Variants in CAMKMT observed in about 807,000 individuals in gnomAD.
CAMKMT encodes calmodulin-lysine N-methyltransferase, also known as CaM KMT.
CAMKMT carries 53 observed loss-of-function variants against 48.0 expected under a neutral mutation model. The ratio of observed to expected loss-of-function variants is 1.10; its 90% CI spans 0.89 to 1.39. CAMKMT has a LOEUF of 1.39. Ranked by LOEUF, CAMKMT falls within the 40% of genes most tolerant of loss-of-function variation. CAMKMT has a pLI of 0.00. For synonymous variants in CAMKMT, 165 were observed against 152.3 expected (o/e 1.08, Z -0.61); for missense variants, 428 against 402.7 (o/e 1.06, Z -0.54).
intron 3 of CAMKMT, among the ~76,000 whole-genome samples, chr2:44,567,739 T>G (rs983289926): frequency 5.9e-5 from 9 of 152,198 alleles, no homozygotes; most frequent in African/African-American, 2.2e-4. Context: ...TGTCACGTCC[T>G]GCTAGCACAA....
At chr2:44,629,470 C>G (rs1172376752) in intron 3 of CAMKMT, among the ~76,000 whole-genome samples, 1 of 138,432 alleles carries the variant, frequency 7.2e-6, no homozygotes, top group Non-Finnish European at 1.5e-5. Flanking sequence ...GGGTCTCACT[C>G]TGTCACCCAG....
chr2:44,524,074 A>G (rs910169977), intron 3 of CAMKMT, among the ~76,000 whole-genome samples: 1 of 152,022 alleles, frequency 6.6e-6, no homozygotes, highest in Non-Finnish European at 1.5e-5. Context: ...ACCGTGTCGA[A>G]CACAGAGAGC....
intron 3 of CAMKMT, among the ~76,000 whole-genome samples, chr2:44,522,763 T>C (rs1015354398): frequency 1.3e-5 from 2 of 152,186 alleles, no homozygotes; most frequent in African/African-American, 4.8e-5. Flanking sequence ...AAGTCCTGGA[T>C]CCTTTACATT....
chr2:44,514,709 A>T (rs186579377), intron 3 of CAMKMT, among the ~76,000 whole-genome samples: 37 of 152,340 alleles, frequency 2.4e-4, no homozygotes, highest in South Asian at 1.7e-3. Flanking sequence ...CACATGGCAG[A>T]TAGAGTAAGT....
chr2:44,717,738 G>A (rs343955), intron 7 of CAMKMT, among the ~76,000 whole-genome samples: 107,376 of 151,880 alleles, frequency 0.71, 39,307 homozygotes, highest in African/African-American at 0.9. Flanking sequence ...CTTGACATGA[G>A]GTTTGTAACA....
intron 3 of CAMKMT, among the ~76,000 whole-genome samples, chr2:44,497,709 AAGAGAGAGAGAGAG>A (rs70937918): frequency 1.4e-5 from 2 of 138,910 alleles, no homozygotes; most frequent in South Asian, 4.8e-4. Flanking sequence ...TAAGCAGGCA[AAGAGAGAGAGAGAG>A]AGAGAGAGAG....
At chr2:44,643,922 T>A in intron 3 of CAMKMT, among the ~76,000 whole-genome samples, 1 of 152,198 alleles carries the variant, frequency 6.6e-6, no homozygotes. Context: ...GACAAACTGT[T>A]GAGATGGTGG....
At chr2:44,505,127 C>G (rs1236274587) in intron 3 of CAMKMT, among the ~76,000 whole-genome samples, 1 of 152,154 alleles carries the variant, frequency 6.6e-6, no homozygotes, top group Non-Finnish European at 1.5e-5. Flanking sequence ...TCCCTGTGAA[C>G]CAAACACCTC....
intron 3 of CAMKMT, among the ~76,000 whole-genome samples, chr2:44,668,869 C>T (rs1675163815): frequency 6.6e-6 from 1 of 152,032 alleles, no homozygotes; most frequent in African/African-American, 2.4e-5. Context: ...ACAACCTCTG[C>T]CTCCCAGGTT....
chr2:44,468,137 A>G (rs1668226034), intron 3 of CAMKMT, among the ~76,000 whole-genome samples: 1 of 152,200 alleles, frequency 6.6e-6, no homozygotes, highest in South Asian at 2.1e-4. Flanking sequence ...TATACAAGGA[A>G]CTCAACAATT....
chr2:44,547,244 A>C (rs1667458439), intron 3 of CAMKMT, among the ~76,000 whole-genome samples: 1 of 152,180 alleles, frequency 6.6e-6, no homozygotes, highest in African/African-American at 2.4e-5. Context: ...AGTCACTTGG[A>C]AATAAGCTCA....
At chr2:44,436,189 C>T (rs1338383760) in intron 3 of CAMKMT, among the ~76,000 whole-genome samples, 1 of 152,152 alleles carries the variant, frequency 6.6e-6, no homozygotes, top group Non-Finnish European at 1.5e-5. Flanking sequence ...GATTCTCGTG[C>T]CTCAGCCACC....
intron 3 of CAMKMT, chr2:44,549,862 A>G (rs1667611041): frequency 2.7e-6 from 1 of 372,852 alleles, no homozygotes; most frequent in Admixed American, 4.3e-5. Flanking sequence ...TCATTGTGTT[A>G]AAAGTCTTGG....
chr2:44,573,838 A>G (rs951804617), intron 3 of CAMKMT, among the ~76,000 whole-genome samples: 2 of 152,174 alleles, frequency 1.3e-5, no homozygotes, highest in Non-Finnish European at 2.9e-5. Context: ...CTGTTCTGAA[A>G]TACAACCTCT....
chr2:44,752,628 A>G (rs1680199597), intron 8 of CAMKMT, among the ~76,000 whole-genome samples: 1 of 151,722 alleles, frequency 6.6e-6, no homozygotes, highest in African/African-American at 2.4e-5. Flanking sequence ...TGGGTCATTG[A>G]TAAAGAACAG....
intron 3 of CAMKMT, among the ~76,000 whole-genome samples, chr2:44,515,589 A>G (rs1052318037): frequency 6.6e-6 from 1 of 152,186 alleles, no homozygotes. Flanking sequence ...GAAAAATGGG[A>G]GTAACCATGG....
At chr2:44,714,005 G>A (rs1678028142) in intron 6 of CAMKMT, among the ~76,000 whole-genome samples, 1 of 152,138 alleles carries the variant, frequency 6.6e-6, no homozygotes, top group Non-Finnish European at 1.5e-5. Flanking sequence ...ATGTAAACCT[G>A]CCTTATTCCA....
At chr2:44,689,750 A>T (rs1676538300) in intron 3 of CAMKMT, among the ~76,000 whole-genome samples, 1 of 152,246 alleles carries the variant, frequency 6.6e-6, no homozygotes, top group South Asian at 2.1e-4. Context: ...ACCAATGGAG[A>T]TGGAGCATTT....
intron 2 of CAMKMT, among the ~76,000 whole-genome samples, chr2:44,384,667 G>T (rs1680602918): frequency 6.6e-6 from 1 of 151,902 alleles, no homozygotes; most frequent in Non-Finnish European, 1.5e-5. Flanking sequence ...TTTATAAGGT[G>T]ATATGAGTAT....
Sources: allele counts gnomAD v4.1 joint callset (sites outside exome capture counted in the v4.1 genomes callset), GRCh38; gene constraint gnomAD v4.1.1; transcripts MANE v1.5; gene names NCBI Gene and HGNC (gene_info 2026-07-23, HGNC 2026-07-21).